The following RPS6KC1 variants were observed in gnomAD, a reference collection of about 807,000 sequenced individuals.
RPS6KC1 encodes inactive ribosomal protein S6 kinase delta-1.
Under a neutral mutation model 103.8 loss-of-function variants are expected in RPS6KC1, and 54 were observed. The observed-to-expected ratio is 0.52, with a 90% CI of 0.42 to 0.65. The LOEUF (loss-of-function observed/expected upper bound fraction) is 0.65, where lower values mean the gene tolerates loss of function less well. Ranked by LOEUF, RPS6KC1 falls within the 30% of genes least tolerant of loss-of-function variation. The pLI is 0.00. For synonymous variants in RPS6KC1, 439 were observed against 438.7 expected, an observed-to-expected ratio of 1.00 and a Z score of -0.01; for missense variants, 1,151 against 1,253.8, an observed-to-expected ratio of 0.92 and a Z score of 1.24.
chr1:213,312,094 C>T, the RPS6KC1 span, among the ~76,000 whole-genome samples: 2 of 152,000 alleles, frequency 1.3e-5, no homozygotes. Context: ...GACAGGGTTT[C>T]ACCATGTTGG....
the RPS6KC1 span, among the ~76,000 whole-genome samples, chr1:213,566,437 G>GTTTTT: frequency 4.1e-5 from 2 of 48,524 alleles, no homozygotes; most frequent in African/African-American, 8.5e-5. Flanking sequence ...TCAGCCTTTA[G>GTTTTT]TTTTTTTTTT....
At chr1:213,484,357 ATCT>A in the RPS6KC1 span, among the ~76,000 whole-genome samples, 2 of 152,286 alleles carry the variant, frequency 1.3e-5, no homozygotes, top group South Asian at 2.1e-4. Context: ...ATGGGGAAGG[ATCT>A]TCTTCCATGC....
At chr1:213,367,502 C>T in the RPS6KC1 span, among the ~76,000 whole-genome samples, 3 of 152,194 alleles carry the variant, frequency 2.0e-5, no homozygotes, top group Admixed American at 6.5e-5. Flanking sequence ...AAATCAACCA[C>T]GTCTTCACAT....
intron 1 of RPS6KC1, among the ~76,000 whole-genome samples, chr1:213,068,873 ATGTG>A (rs60259563): frequency 0.56 from 71,234 of 127,066 alleles, 19,931 homozygotes; most frequent in Non-Finnish European, 0.6. Context: ...AAGTGTATAT[ATGTG>A]TGTGTGTGTG....
intron 8 of RPS6KC1, among the ~76,000 whole-genome samples, chr1:213,228,523 A>G (rs1043851352): frequency 2.0e-5 from 3 of 151,938 alleles, no homozygotes; most frequent in African/African-American, 7.3e-5. Context: ...GCAGGAGTTC[A>G]AGATCAGCCT....
intron 6 of RPS6KC1, among the ~76,000 whole-genome samples, chr1:213,137,815 T>A (rs972695537): frequency 4.8e-5 from 6 of 123,738 alleles, no homozygotes; most frequent in African/African-American, 1.5e-4. Flanking sequence ...TTTTTTTTTT[T>A]TTTTTTTTTT....
chr1:213,586,282 A>G, the RPS6KC1 span, among the ~76,000 whole-genome samples: 1 of 152,242 alleles, frequency 6.6e-6, no homozygotes, highest in Admixed American at 6.5e-5. Context: ...CTTCATTTAA[A>G]TTAGTAACAT....
chr1:213,101,892 G>A (rs1454347795), intron 3 of RPS6KC1, among the ~76,000 whole-genome samples: 1 of 151,950 alleles, frequency 6.6e-6, no homozygotes, highest in Non-Finnish European at 1.5e-5. Context: ...AATCTAGTTG[G>A]CCAGTAGATT....
At position 213,189,448 on chromosome 1, in the gene RPS6KC1, CAAAAAAAAAA is replaced by C. The variant is rs35941412; in HGVS notation, c.1044+12968_1044+12977del. Among the ~76,000 whole-genome samples, 7 of 103,576 alleles carry C rather than the reference CAAAAAAAAAA, an allele frequency of 6.8e-5. No individual in the cohort carries two copies. The East Asian group carries it at 1.4e-3, about 21-fold the overall frequency. The allele number at this position is 103,576 out of a possible 152,430, so 67.9% of individuals were successfully genotyped here. The stretch of plus-strand genomic sequence containing the variant: ...TGAGTGACAGAGTGAGCCTTTGTCT[CAAAAAAAAAA>C]AAAAAAAAAAAGTGTACGTTGACAT... On this transcript the variant is annotated intron_variant, in intron 8 of 14. Transcript: ENST00000366960.
the RPS6KC1 span, among the ~76,000 whole-genome samples, chr1:213,418,827 T>C: frequency 2.0e-5 from 3 of 152,168 alleles, no homozygotes; most frequent in Non-Finnish European, 4.4e-5. Context: ...TTTCTAGCCC[T>C]CTCAGGTGAA....
In RPS6KC1 at chr1:213,217,860, A is replaced by T. The variant is rs1393960110; in HGVS notation, c.1045-12637A>T. Reference sequence around the variant, plus strand: ...AAAACTCTCAATAAATTAGGTATTGATGGGATGTATCTCAAAATAATAAGA... The same window carrying T: ...AAAACTCTCAATAAATTAGGTATTGTTGGGATGTATCTCAAAATAATAAGA... On this transcript the variant is annotated intron_variant, in intron 8 of 14. Coordinates refer to ENST00000366960, the MANE Select transcript of RPS6KC1 (RefSeq NM_012424.6). Among the ~76,000 whole-genome samples, 3 of 152,332 alleles carry T rather than the reference A, an allele frequency of 2.0e-5. No homozygotes were observed. The East Asian group carries it at 5.8e-4, about 29-fold the overall frequency.
At chr1:213,617,109 C>T in the RPS6KC1 span, among the ~76,000 whole-genome samples, 1 of 152,278 alleles carries the variant, frequency 6.6e-6, no homozygotes, top group Admixed American at 6.5e-5. Flanking sequence ...GTTTCTTTAG[C>T]CTGGCCCCTA....
intron 1 of RPS6KC1, among the ~76,000 whole-genome samples, chr1:213,063,669 A>G (rs1283382222): frequency 6.6e-6 from 1 of 152,226 alleles, no homozygotes; most frequent in Non-Finnish European, 1.5e-5. Flanking sequence ...AAAAATAAAA[A>G]ATTGAGTGGC....
At chr1:213,857,841 T>C in the RPS6KC1 span, among the ~76,000 whole-genome samples, 1 of 152,194 alleles carries the variant, frequency 6.6e-6, no homozygotes, top group East Asian at 1.9e-4. Context: ...TCCTCGGTGA[T>C]GTCCAGCCCC....
the RPS6KC1 span, among the ~76,000 whole-genome samples, chr1:213,723,944 T>TG: frequency 7.7e-5 from 8 of 103,896 alleles, no homozygotes; most frequent in Middle Eastern, 4.1e-3. Flanking sequence ...GTTGGGGGGT[T>TG]GGGGGGGACA....
chr1:213,242,987 A>G (rs2094389581), intron 12 of RPS6KC1, among the ~76,000 whole-genome samples: 1 of 151,958 alleles, frequency 6.6e-6, no homozygotes, highest in South Asian at 2.1e-4. Flanking sequence ...CTTTAGATGC[A>G]TGATTTTTTT....
At chr1:213,678,607 A>G in the RPS6KC1 span, among the ~76,000 whole-genome samples, 1 of 152,328 alleles carries the variant, frequency 6.6e-6, no homozygotes, top group East Asian at 1.9e-4. Context: ...TCAAAATCCC[A>G]TATAGATTTT....
At chr1:213,261,401 A>G (rs1436247322) in intron 12 of RPS6KC1, among the ~76,000 whole-genome samples, 157 bp from the exon 13 acceptor site, 1 of 152,186 alleles carries the variant, frequency 6.6e-6, no homozygotes, top group African/African-American at 2.4e-5. Flanking sequence ...GCAGTAGGTG[A>G]CCAAAGGGAT....
chr1:213,237,123 TC>T (rs2094239978), intron 10 of RPS6KC1, among the ~76,000 whole-genome samples: 1 of 152,062 alleles, frequency 6.6e-6, no homozygotes, highest in Non-Finnish European at 1.5e-5. Context: ...TTGCATTTTT[TC>T]CCCCATCTCA....
Sources: gnomAD v4.1 joint callset for allele counts (sites outside exome capture counted in the v4.1 genomes callset) on GRCh38, gnomAD v4.1.1 for gene constraint, MANE v1.5 for transcripts, NCBI Gene and HGNC (gene_info 2026-07-23, HGNC 2026-07-21) for gene names.